Variants in EYS observed in about 807,000 individuals in gnomAD.
EYS encodes the protein EGF-like photoreceptor maintenance factor.
Under a neutral mutation model 282.1 loss-of-function variants are expected in EYS, and 250 were observed. The observed-to-expected ratio is 0.89, with a 90% CI of 0.80 to 0.98. EYS has a LOEUF of 0.98. Among genes scored for constraint, EYS ranks in the 50% least tolerant of loss-of-function variants. EYS has a pLI of 0.00. For missense variants in EYS, 4,016 were observed against 3,709.0 expected, an observed-to-expected ratio of 1.08 and a Z score of -2.15; for synonymous variants, 1,355 against 1,282.9, an observed-to-expected ratio of 1.06 and a Z score of -1.20.
chr6:64,945,821 T>C lies in EYS; in HGVS notation c.2353A>G (p.Thr785Ala). 1 of 1,550,016 alleles carries C rather than the reference T, an allele frequency of 6.5e-7. No homozygotes were observed. Among genetic ancestry groups the C allele is most frequent in the Non-Finnish European group, 8.7e-7 (1 of 1,145,934 alleles). ...CKMNPCKNNS[T>A]CTDLYKSYRC... is the part of the protein sequence containing the mutation. Reference sequence around the variant, plus strand: ...TAGCTTTTGTAAAGGTCAGTACAGGTGGAATTGTTCTTGCAAGGATTCATT... The same window carrying C: ...TAGCTTTTGTAAAGGTCAGTACAGGCGGAATTGTTCTTGCAAGGATTCATT... Residue 785 changes from threonine to alanine, a missense_variant, in exon 15 of 43, where the codon ACC (threonine) becomes GCC (alanine). Transcript: ENST00000503581.
chr6:65,443,396 A>G lies in EYS; in HGVS notation c.863-38029T>C, dbSNP rs548724611. ...TACACATATAGACATATATGCATAC[A>G]TGTATGTACACATATAGCCATATAT... On this transcript the variant is annotated intron_variant, in intron 5 of 42. Coordinates refer to ENST00000503581, the MANE Select transcript of EYS (RefSeq NM_001142800.2). 1.3e-4 allele frequency among the ~76,000 whole-genome samples: 20 copies of G among 150,558 alleles called. 2 individuals carry two copies. Among genetic ancestry groups the G allele is most frequent in the Admixed American group, 4.7e-4 (7 of 14,992 alleles).
chr6:64,287,995 A>G (rs552626179), intron 30 of EYS, among the ~76,000 whole-genome samples: 60 of 152,288 alleles, frequency 3.9e-4, no homozygotes, highest in African/African-American at 1.4e-3. Context: ...ACAAAACACT[A>G]CAAGTAAATG....
At chr6:63,868,239 C>A (rs192570898) in intron 35 of EYS, among the ~76,000 whole-genome samples, 2 of 152,066 alleles carry the variant, frequency 1.3e-5, no homozygotes, top group African/African-American at 4.8e-5. Context: ...GGAATTGTAA[C>A]TGCTACGGGA....
intron 26 of EYS, among the ~76,000 whole-genome samples, chr6:64,506,765 C>T (rs188128531): frequency 1.3e-5 from 2 of 151,698 alleles, no homozygotes; most frequent in Admixed American, 6.6e-5. Context: ...ACAAATTAGT[C>T]GGCTGTGGTG....
intron 11 of EYS, among the ~76,000 whole-genome samples, chr6:65,306,626 A>C (rs1264132758): frequency 1.3e-5 from 2 of 151,320 alleles, no homozygotes; most frequent in African/African-American, 4.9e-5. Context: ...AAAGAGAAAT[A>C]CTTGTTTGTG....
chr6:65,547,795 A>C (rs924856975), intron 2 of EYS, among the ~76,000 whole-genome samples: 3 of 152,124 alleles, frequency 2.0e-5, no homozygotes, highest in African/African-American at 7.2e-5. Flanking sequence ...CAATGTTGCA[A>C]TTTGCCTAAG....
At chr6:64,705,485 T>C (rs1770972103) in intron 22 of EYS, among the ~76,000 whole-genome samples, 1 of 151,690 alleles carries the variant, frequency 6.6e-6, no homozygotes, top group Admixed American at 6.6e-5. Flanking sequence ...ATCCTAAAAT[T>C]CATATGGAAC....
In EYS at chr6:64,058,211, T is replaced by G. The variant is rs193077062; in HGVS notation, c.6725+8127A>C. ...GATGTGCCTTTGCTCCTCCTTCAACTTCTGCCATGATTGTGAGGCCTCCCC... is the reference window on the plus strand; with the variant it reads ...GATGTGCCTTTGCTCCTCCTTCAACGTCTGCCATGATTGTGAGGCCTCCCC... On this transcript the variant is annotated intron_variant, in intron 33 of 42. Coordinates refer to ENST00000503581, the MANE Select transcript of EYS (RefSeq NM_001142800.2). Among the ~76,000 whole-genome samples the G allele has an allele frequency of 2.6e-3, 390 of 152,092 alleles. 1 individual carries two copies. Among genetic ancestry groups the G allele is most frequent in the African/African-American group, 8.7e-3 (361 of 41,478 alleles).
intron 5 of EYS, among the ~76,000 whole-genome samples, chr6:65,437,096 T>G (rs952205177): frequency 4.6e-5 from 7 of 152,136 alleles, no homozygotes; most frequent in African/African-American, 1.4e-4. Context: ...AAGGAAAACT[T>G]AATTTATTAT....
At chr6:65,587,392 G>A (rs1206558770) in intron 2 of EYS, among the ~76,000 whole-genome samples, 2 of 152,048 alleles carry the variant, frequency 1.3e-5, no homozygotes, top group African/African-American at 4.8e-5. Context: ...TGAATCGTGG[G>A]GGCCATGTCC....
At chr6:65,705,492 T>C (rs988299766) in intron 1 of EYS, among the ~76,000 whole-genome samples, 11 of 152,336 alleles carry the variant, frequency 7.2e-5, no homozygotes, top group Non-Finnish European at 1.5e-4. Context: ...TTTTGTTTTT[T>C]AACGCATTAA....
At chr6:63,905,975 T>G (rs1773770506) in intron 35 of EYS, among the ~76,000 whole-genome samples, 1 of 152,236 alleles carries the variant, frequency 6.6e-6, no homozygotes, top group Non-Finnish European at 1.5e-5. Context: ...GAAAATAACC[T>G]ACGTGTTGCT....
intron 35 of EYS, among the ~76,000 whole-genome samples, chr6:63,968,852 T>G (rs567713763): frequency 6.6e-6 from 1 of 152,310 alleles, no homozygotes; most frequent in East Asian, 1.9e-4. Context: ...ACTTGGCAGT[T>G]TTAGATGTTT....
chr6:65,173,957 C>T (rs1322581601), intron 12 of EYS, among the ~76,000 whole-genome samples: 2 of 151,090 alleles, frequency 1.3e-5, no homozygotes, highest in African/African-American at 2.4e-5. Flanking sequence ...TGAGTAATCA[C>T]AACGTATATA....
chr6:64,440,127 C>A (rs945383880), intron 26 of EYS, among the ~76,000 whole-genome samples: 4 of 151,688 alleles, frequency 2.6e-5, no homozygotes, highest in Non-Finnish European at 4.4e-5. Flanking sequence ...CACAAGCTTT[C>A]TTTCTCTTTT....
intron 2 of EYS, among the ~76,000 whole-genome samples, chr6:65,499,271 AAAT>A (rs1237293521): frequency 6.6e-6 from 1 of 152,088 alleles, no homozygotes; most frequent in African/African-American, 2.4e-5. Context: ...AAGTTTAAAC[AAAT>A]AAGTTTTATA....
chr6:65,401,811 T>C (rs1766509331), intron 7 of EYS, among the ~76,000 whole-genome samples: 1 of 151,934 alleles, frequency 6.6e-6, no homozygotes, highest in Non-Finnish European at 1.5e-5. Context: ...TTGAGGCTAC[T>C]TACTGCTTTT....
rs370698762 is a variant in EYS, at chr6:64,026,149, G to A, written c.6726-26966C>T. On this transcript the variant is annotated intron_variant, in intron 33 of 42. Transcript: ENST00000503581. The stretch of plus-strand genomic sequence containing the variant: ...AGGGACCGTTGTGGGTTCTGGGGCA[G>A]GGGTTGTTTCTGCTGCTGCATCAGT... 1.8e-4 allele frequency among the ~76,000 whole-genome samples: 27 copies of A among 152,270 alleles called. 1 individual carries two copies. The East Asian group carries it at 4.6e-3, about 26-fold the overall frequency.
intron 2 of EYS, among the ~76,000 whole-genome samples, chr6:65,502,038 G>A (rs1438615359): frequency 1.3e-5 from 2 of 151,516 alleles, no homozygotes; most frequent in Admixed American, 1.3e-4. Flanking sequence ...AAAAATATAA[G>A]TATAACTTAT....
Sources: allele counts gnomAD v4.1 joint callset (sites outside exome capture counted in the v4.1 genomes callset), GRCh38; gene constraint gnomAD v4.1.1; transcripts MANE v1.5; gene names NCBI Gene and HGNC (gene_info 2026-07-23, HGNC 2026-07-21).